KITLG: variants seen among roughly 807,000 people sequenced by gnomAD.
KITLG encodes KIT ligand.
Under a neutral mutation model 34.1 loss-of-function variants are expected in KITLG, and 13 were observed. The observed-to-expected ratio is 0.38, with a 90% CI of 0.25 to 0.61. The LOEUF (loss-of-function observed/expected upper bound fraction) is 0.61, where lower values mean the gene tolerates loss of function less well. KITLG is among the 20% of genes least tolerant of loss of function. The pLI is 0.60. For missense variants in KITLG, 292 were observed against 318.9 expected (o/e 0.92, Z 0.64); for synonymous variants, 110 against 104.0 (o/e 1.06, Z -0.35).
chr12:88,508,784 C>G (rs1869165706), intron 6 of KITLG, among the ~76,000 whole-genome samples: 1 of 151,912 alleles, frequency 6.6e-6, no homozygotes, highest in Non-Finnish European at 1.5e-5. Flanking sequence ...ATTTTCTCAC[C>G]AAAATAAATC....
intron 1 of KITLG, among the ~76,000 whole-genome samples, chr12:88,555,069 T>C (rs1190691043): frequency 6.6e-6 from 1 of 152,048 alleles, no homozygotes; most frequent in Non-Finnish European, 1.5e-5. Context: ...GAATATGCTC[T>C]TATAACAAAA....
chr12:88,512,047 C>G (rs1038449251), intron 6 of KITLG, among the ~76,000 whole-genome samples: 1 of 152,112 alleles, frequency 6.6e-6, no homozygotes, highest in African/African-American at 2.4e-5. Flanking sequence ...GACCCCTAAT[C>G]AGAGAGGAAG....
intron 3 of KITLG, among the ~76,000 whole-genome samples, chr12:88,523,464 G>T (rs1368065260): frequency 5.9e-5 from 9 of 152,166 alleles, no homozygotes. Flanking sequence ...GTGGTCTCAC[G>T]TCTGGACCAG....
intron 6 of KITLG, among the ~76,000 whole-genome samples, chr12:88,511,169 A>T (rs1178576739): frequency 6.6e-6 from 1 of 152,346 alleles, no homozygotes; most frequent in Non-Finnish European, 1.5e-5. Context: ...GGGATTGAAT[A>T]GGTATTTTAT....
chr12:88,580,023 T>C (rs1021883156), intron 1 of KITLG: 8 of 595,730 alleles, frequency 1.3e-5, no homozygotes, highest in Non-Finnish European at 2.1e-5. Flanking sequence ...AAAACTTAAC[T>C]GCTGAGGCTC....
In KITLG at chr12:88,493,091, A is replaced by C. The variant is rs1333336356; in HGVS notation, c.*4128T>G. The C allele has an allele frequency of 6.6e-6, 1 of 152,294 alleles. No individual in the cohort carries two copies. Among genetic ancestry groups the C allele is most frequent in the African/African-American group, 2.4e-5 (1 of 41,402 alleles). 9.4% of individuals were successfully genotyped at this position (152,294 alleles called of 1,614,324 possible). A position where few individuals can be genotyped will look rare whatever the true frequency, so the allele number is the denominator to read the frequency against. ...ATCTAAATTAATACTTTTCAAGTCC[A>C]TTGATTTAAAAAAATGGTGGCAAGT... On this transcript the variant is annotated 3_prime_UTR_variant, in exon 10 of 10. Coordinates refer to ENST00000644744, the MANE Select transcript of KITLG (RefSeq NM_000899.5).
chr12:88,524,756 A>G (rs1020377508), intron 3 of KITLG, among the ~76,000 whole-genome samples: 3 of 152,210 alleles, frequency 2.0e-5, no homozygotes, highest in African/African-American at 7.2e-5. Context: ...CAAAAGAACT[A>G]CTTAAAATAG....
chr12:88,568,043 TACA>T (rs1178455082), intron 1 of KITLG, among the ~76,000 whole-genome samples: 5 of 152,274 alleles, frequency 3.3e-5, no homozygotes, highest in Admixed American at 3.3e-4. Context: ...CTGAGAACAA[TACA>T]ACAACACTAG....
Position 88,550,338 on chromosome 12 carries a change from T to C in KITLG, c.16-4473A>G, listed in dbSNP as rs940794088. ...AGGAGGAAGCAATTGGCAATATAGG[T>C]CAGAAGAGAGGGGACTGCTTGGGCA... On this transcript the variant is annotated intron_variant, in intron 1 of 9. Coordinates refer to ENST00000644744, the MANE Select transcript of KITLG (RefSeq NM_000899.5). Among the ~76,000 whole-genome samples the C allele has an allele frequency of 3.3e-5, 5 of 152,126 alleles. No individual in the cohort carries two copies. The East Asian group carries it at 7.7e-4, about 24-fold the overall frequency.
intron 2 of KITLG, among the ~76,000 whole-genome samples, chr12:88,545,204 A>G (rs1349421575): frequency 6.6e-6 from 1 of 152,188 alleles, no homozygotes; most frequent in Admixed American, 6.5e-5. Context: ...GAAGAGTTCA[A>G]TGTGACAAAC....
chr12:88,575,686 G>A (rs937287563), intron 1 of KITLG, among the ~76,000 whole-genome samples: 4 of 152,094 alleles, frequency 2.6e-5, no homozygotes, highest in African/African-American at 7.2e-5. Context: ...GTCTACACAC[G>A]TGACTAAGAC....
intron 1 of KITLG, among the ~76,000 whole-genome samples, chr12:88,548,915 T>C (rs576771264): frequency 3.9e-5 from 6 of 152,320 alleles, no homozygotes; most frequent in Admixed American, 2.6e-4. Flanking sequence ...CTGTACTCTT[T>C]TCTTTCCAGA....
At chr12:88,543,006 T>C (rs1460687390) in intron 2 of KITLG, among the ~76,000 whole-genome samples, 3 of 152,178 alleles carry the variant, frequency 2.0e-5, no homozygotes, top group South Asian at 2.1e-4. Context: ...TCTAGAGCAA[T>C]TGCTCTTAAG....
chr12:88,524,469 T>C (rs947178310), intron 3 of KITLG, among the ~76,000 whole-genome samples: 1 of 152,196 alleles, frequency 6.6e-6, no homozygotes, highest in Non-Finnish European at 1.5e-5. Context: ...TTTTGAATAA[T>C]ATGAAACATA....
In KITLG at chr12:88,493,059, C is replaced by T. The variant is rs1031442397; in HGVS notation, c.*4160G>A. On this transcript the variant is annotated 3_prime_UTR_variant, in exon 10 of 10. Coordinates refer to ENST00000644744, the MANE Select transcript of KITLG (RefSeq NM_000899.5). Reference sequence around the variant, plus strand: ...TATGACTGAACTGAGGGTATATCTGCGCATCCATCTAAATTAATACTTTTC... The same window carrying T: ...TATGACTGAACTGAGGGTATATCTGTGCATCCATCTAAATTAATACTTTTC... The T allele has an allele frequency of 1.2e-4, 19 of 152,112 alleles. No homozygotes were observed. The highest frequency in any genetic ancestry group is 2.4e-4 in the African/African-American group (10 of 41,434). The allele number at this position is 152,112 out of a possible 1,614,324, so 9.4% of individuals were successfully genotyped here.
intron 1 of KITLG, among the ~76,000 whole-genome samples, chr12:88,552,673 G>A (rs912068917): frequency 6.6e-6 from 1 of 151,966 alleles, no homozygotes; most frequent in African/African-American, 2.4e-5. Flanking sequence ...ATTTTAAGCA[G>A]AGCAGCTCAG....
At position 88,534,514 on chromosome 12, in the gene KITLG, G is replaced by T. The variant is rs11835610; in HGVS notation, c.130-2011C>A. On this transcript the variant is annotated intron_variant, in intron 2 of 9. Coordinates refer to ENST00000644744, the MANE Select transcript of KITLG (RefSeq NM_000899.5). The stretch of plus-strand genomic sequence containing the variant: ...TGTCAGCCTCTGGGATTACAGGCAC[G>T]CACCACTACACCTGGCTAATTTTTG... 1.5e-3 allele frequency among the ~76,000 whole-genome samples: 235 copies of T among 151,956 alleles called. 1 individual carries two copies. The highest frequency in any genetic ancestry group is 5.4e-3 in the African/African-American group (224 of 41,472).
chr12:88,574,196 A>C (rs1208954013), intron 1 of KITLG, among the ~76,000 whole-genome samples: 1 of 151,978 alleles, frequency 6.6e-6, no homozygotes, highest in Non-Finnish European at 1.5e-5. Context: ...TTTTCTGAGA[A>C]ATGTGTGTTC....
chr12:88,529,955 A>C (rs908998386), intron 3 of KITLG, among the ~76,000 whole-genome samples: 1 of 152,234 alleles, frequency 6.6e-6, no homozygotes, highest in Non-Finnish European at 1.5e-5. Flanking sequence ...TTACAGAAAC[A>C]AGCACAAAAT....
Sources: allele counts gnomAD v4.1 joint callset (sites outside exome capture counted in the v4.1 genomes callset), GRCh38; gene constraint gnomAD v4.1.1; transcripts MANE v1.5; gene names NCBI Gene and HGNC (gene_info 2026-07-23, HGNC 2026-07-21).